The following CCSER1 variants were observed in gnomAD, a reference collection of about 807,000 sequenced individuals.
The protein encoded by CCSER1 is serine-rich coiled-coil domain-containing protein 1.
In CCSER1, 41 loss-of-function variants were observed where a neutral mutation model predicts 82.0. The ratio of observed to expected loss-of-function variants is 0.50; its 90% CI spans 0.39 to 0.65. The LOEUF is 0.65. CCSER1 is among the 30% of genes least tolerant of loss of function. CCSER1 has a pLI of 0.00. For missense variants in CCSER1, 1,119 were observed against 1,064.2 expected (o/e 1.05, Z -0.72); for synonymous variants, 414 against 383.9 (o/e 1.08, Z -0.92).
At chr4:91,185,848 C>T (rs1734486594) in intron 10 of CCSER1, among the ~76,000 whole-genome samples, 2 of 152,182 alleles carry the variant, frequency 1.3e-5, no homozygotes, top group Non-Finnish European at 2.9e-5. Flanking sequence ...TTTCCTTTAT[C>T]CACTCTCAGT....
At chr4:90,423,719 C>T (rs28810485) in intron 4 of CCSER1, among the ~76,000 whole-genome samples, 3,687 of 151,744 alleles carry the variant, frequency 0.024, 49 homozygotes, top group African/African-American at 0.044. Context: ...TCAGGTGATC[C>T]GCCTGCATCG....
rs114260236 is a variant in CCSER1 at position 91,176,462 on chromosome 4, A to T, written c.2217+90468A>T. Among the ~76,000 whole-genome samples the T allele has an allele frequency of 6.3e-3, 961 of 152,126 alleles. 4 individuals are homozygous for T. Among genetic ancestry groups the T allele is most frequent in the Non-Finnish European group, 9.1e-3 (620 of 68,000 alleles). ...TGATTCTTCCTATCCATAATTATGT[A>T]ACATTCTTCCATTTGTTTGTGTCCT... is the stretch of plus-strand genomic sequence containing the variant. On this transcript the variant is annotated intron_variant, in intron 10 of 10. Coordinates refer to ENST00000509176, the MANE Select transcript of CCSER1 (RefSeq NM_001145065.2).
intron 4 of CCSER1, among the ~76,000 whole-genome samples, chr4:90,461,434 A>G (rs1010339412): frequency 3.3e-5 from 5 of 152,128 alleles, no homozygotes; most frequent in African/African-American, 1.2e-4. Flanking sequence ...ATCAATTCCC[A>G]TTAACTTTAG....
At chr4:90,141,758 C>G (rs916998437) in intron 1 of CCSER1, among the ~76,000 whole-genome samples, 1 of 152,184 alleles carries the variant, frequency 6.6e-6, no homozygotes. Flanking sequence ...CAATGCCCCT[C>G]CAAAAACCCC....
At chr4:90,554,467 A>G (rs981504968) in intron 5 of CCSER1, among the ~76,000 whole-genome samples, 7 of 152,362 alleles carry the variant, frequency 4.6e-5, no homozygotes, top group African/African-American at 1.7e-4. Flanking sequence ...TACCGAAAAT[A>G]TTTCATGAAA....
At chr4:91,040,930 G>A (rs1163330219) in intron 9 of CCSER1, among the ~76,000 whole-genome samples, 3 of 152,116 alleles carry the variant, frequency 2.0e-5, no homozygotes, top group Admixed American at 6.6e-5. Context: ...AAGTTCAAAT[G>A]TATAAAAGAT....
At chr4:91,272,953 T>A (rs1408274909) in intron 10 of CCSER1, among the ~76,000 whole-genome samples, 1 of 152,200 alleles carries the variant, frequency 6.6e-6, no homozygotes, top group Non-Finnish European at 1.5e-5. Context: ...CTTCCATCTG[T>A]GTGCCTATTT....
intron 9 of CCSER1, among the ~76,000 whole-genome samples, chr4:90,968,857 A>T (rs1033189046): frequency 8.1e-6 from 1 of 123,888 alleles, no homozygotes; most frequent in African/African-American, 2.6e-5. Flanking sequence ...TGAAATATCT[A>T]AAAAAAAATC....
chr4:91,531,513 T>C (rs551632056), intron 10 of CCSER1, among the ~76,000 whole-genome samples: 1 of 152,300 alleles, frequency 6.6e-6, no homozygotes, highest in Admixed American at 6.5e-5. Flanking sequence ...CTTAGAAATG[T>C]AAGTATTCAA....
chr4:90,726,615 A>G (rs1743687876), intron 7 of CCSER1, among the ~76,000 whole-genome samples: 1 of 152,054 alleles, frequency 6.6e-6, no homozygotes, highest in African/African-American at 2.4e-5. Flanking sequence ...TTAATTAAAA[A>G]CGATCTGCCC....
chr4:90,616,261 AG>A (rs1031894528), intron 5 of CCSER1, among the ~76,000 whole-genome samples: 3 of 152,168 alleles, frequency 2.0e-5, no homozygotes, highest in African/African-American at 7.2e-5. Flanking sequence ...GATATCTCTG[AG>A]GTATGCCTGT....
chr4:90,188,028 G>A (rs1266695614), intron 1 of CCSER1, among the ~76,000 whole-genome samples: 2 of 151,856 alleles, frequency 1.3e-5, no homozygotes, highest in Non-Finnish European at 2.9e-5. Context: ...TATATTCATT[G>A]CCTCCTTTTA....
At chr4:90,494,830 C>T (rs1253426150) in intron 5 of CCSER1, among the ~76,000 whole-genome samples, 1 of 151,888 alleles carries the variant, frequency 6.6e-6, no homozygotes, top group African/African-American at 2.4e-5. Context: ...CAGTTCACGC[C>T]ATAGACAGGA....
intron 8 of CCSER1, among the ~76,000 whole-genome samples, chr4:90,834,909 AAAAAC>A (rs1167286782): frequency 2.0e-5 from 3 of 152,238 alleles, no homozygotes; most frequent in African/African-American, 7.2e-5. Flanking sequence ...AGTTTCCTTA[AAAAAC>A]AAAACAAAAC....
chr4:90,550,341 TA>T (rs1457509395), intron 5 of CCSER1, among the ~76,000 whole-genome samples: 1 of 152,192 alleles, frequency 6.6e-6, no homozygotes, highest in Non-Finnish European at 1.5e-5. Context: ...GGAAAATAAA[TA>T]ACTTAGGTAC....
In CCSER1 at chr4:90,324,754, A is replaced by G. The variant is rs571417838; in HGVS notation, c.1509+11707A>G. 8.4e-4 allele frequency among the ~76,000 whole-genome samples: 128 copies of G among 152,258 alleles called. 2 individuals carry two copies. The East Asian group carries it at 0.022, about 27-fold the overall frequency. On this transcript the variant is annotated intron_variant, in intron 3 of 10. Transcript: ENST00000509176. ...ACATGAAGTCCTTGCCCATGCCTAC[A>G]TCCTGAATGGTAATGCCTAGGTTTT...
intron 6 of CCSER1, among the ~76,000 whole-genome samples, chr4:90,720,299 A>AAT (rs1742449176): frequency 8.1e-6 from 1 of 123,712 alleles, no homozygotes; most frequent in African/African-American, 3.1e-5. Context: ...GAAAAAAAAA[A>AAT]TTAAAAAAAA....
chr4:91,043,078 C>T (rs1367048047), intron 9 of CCSER1, among the ~76,000 whole-genome samples: 1 of 151,632 alleles, frequency 6.6e-6, no homozygotes, highest in African/African-American at 2.4e-5. Flanking sequence ...CAGAAAGCAA[C>T]ATGAAAACAA....
intron 9 of CCSER1, among the ~76,000 whole-genome samples, chr4:90,941,762 AAC>A (rs1184998069): frequency 6.6e-6 from 1 of 152,172 alleles, no homozygotes; most frequent in African/African-American, 2.4e-5. Context: ...AACAAACAGT[AAC>A]ACTAACTCAT....
Sources: gnomAD v4.1 joint callset for allele counts (sites outside exome capture counted in the v4.1 genomes callset) on GRCh38, gnomAD v4.1.1 for gene constraint, MANE v1.5 for transcripts, NCBI Gene and HGNC (gene_info 2026-07-23, HGNC 2026-07-21) for gene names.